Variants in RPL26L1 observed in about 807,000 individuals in gnomAD.
The protein encoded by RPL26L1 is ribosomal protein L26 like 1.
RPL26L1 carries 8 observed loss-of-function variants against 15.2 expected under a neutral mutation model. The observed-to-expected ratio is 0.53, with a 90% CI of 0.31 to 0.95. RPL26L1 has a LOEUF of 0.95. Among genes scored for constraint, RPL26L1 ranks in the 40% least tolerant of loss-of-function variants. RPL26L1 has a pLI of 0.05. For synonymous variants in RPL26L1, 51 were observed against 65.9 expected (o/e 0.77, Z 1.09); for missense variants, 146 against 190.9 (o/e 0.76, Z 1.39).
At position 172,969,576 on chromosome 5, in the gene RPL26L1, G is replaced by C. The variant is rs1313372232; in HGVS notation, c.*35G>C. The C allele has an allele frequency of 6.3e-7, 1 of 1,591,202 alleles. No individual in the cohort carries two copies. The highest frequency in any genetic ancestry group is 2.3e-5 in the East Asian group (1 of 44,284). On this transcript the variant is annotated 3_prime_UTR_variant, in exon 4 of 4. Transcript: ENST00000265100. ...GTTGTGCAACCACGGTTTAACCGGAGATTTTGAGGCTAGGGTGTGTTTCTT... is the reference window on the plus strand; with the variant it reads ...GTTGTGCAACCACGGTTTAACCGGACATTTTGAGGCTAGGGTGTGTTTCTT...
chr5:172,956,245 CT>C (rs758159677), upstream of RPL26L1, among the ~76,000 whole-genome samples: 76 of 152,250 alleles, frequency 5.0e-4, no homozygotes, highest in Non-Finnish European at 9.3e-4. Context: ...TTAGTGATGC[CT>C]TTTGATAAGC....
intron 2 of RPL26L1, 55 bp from the exon 3 acceptor site, chr5:172,968,404 C>T (rs1755551044): frequency 6.3e-7 from 1 of 1,595,308 alleles, no homozygotes; most frequent in Admixed American, 1.7e-5. Context: ...TTAGCTTCCT[C>T]TTTATGATCA....
intron 2 of RPL26L1, among the ~76,000 whole-genome samples, chr5:172,966,311 C>CTTTTTTT (rs1310691278): frequency 8.1e-5 from 6 of 74,158 alleles, no homozygotes; most frequent in Admixed American, 1.9e-4. Context: ...GTCTGGCTAA[C>CTTTTTTT]TATTTTTTTT....
intron 1 of RPL26L1, 177 bp downstream of exon 1, chr5:172,959,645 T>C: frequency 8.2e-7 from 1 of 1,224,534 alleles, no homozygotes; most frequent in Non-Finnish European, 1.1e-6. Flanking sequence ...TGCTACCCTC[T>C]CCCCCACGAC....
chr5:172,967,396 T>C lies in RPL26L1; in HGVS notation c.169-1063T>C, dbSNP rs796579091. ...AGGAGAATCACTTGAACCTGGGAGG[T>C]GGAGGTTGCAGTGAGCCAAGATCAT... On this transcript the variant is annotated intron_variant, in intron 2 of 3. Transcript: ENST00000265100. Among the ~76,000 whole-genome samples, 4 of 151,754 alleles carry C rather than the reference T, an allele frequency of 2.6e-5. No homozygotes were observed. The South Asian group carries it at 8.3e-4, about 32-fold the overall frequency.
chr5:172,958,087 A>C (rs976598926), upstream of RPL26L1: 1 of 290,774 alleles, frequency 3.4e-6, no homozygotes, highest in Non-Finnish European at 7.0e-6. Context: ...CAACATGGAG[A>C]AACCCCGTCT....
rs1320305395 is a variant in RPL26L1 at position 172,968,473 on chromosome 5, C to A, written c.183C>A (p.His61Gln). The change falls in exon 3 of 4, where the codon CAC (histidine) becomes CAA (glutamine). Residue 61 changes from histidine (H) to glutamine (Q), a missense_variant. Physicochemically the swap from His to Gln is conservative, Grantham distance 24. Coordinates refer to ENST00000265100, the MANE Select transcript of RPL26L1 (RefSeq NM_016093.4). ...TTTTCTCTTAGGTAGTTCGAGGACA[C>A]TACAAAGGTCAGCAAATTGGCAAGG... ...KDDEVQVVRG[H>Q]YKGQQIGKVV... 1 of 1,613,918 alleles carries A rather than the reference C, an allele frequency of 6.2e-7. No individual in the cohort carries two copies.
At chr5:172,961,617 C>G (rs1755236807) in intron 2 of RPL26L1, among the ~76,000 whole-genome samples, 1 of 152,230 alleles carries the variant, frequency 6.6e-6, no homozygotes, top group Non-Finnish European at 1.5e-5. Flanking sequence ...TCCCTGTCCC[C>G]ACTACATTAT....
At position 172,960,038 on chromosome 5, in the gene RPL26L1, C is replaced by A. The variant is rs764239404; in HGVS notation, c.165C>A (p.Val55=). ...RSMPIRKDDE[V]QVVRGHYKGQ... Reference sequence around the variant, plus strand: ...TGCCCATCCGCAAGGACGACGAGGTCCAGGTACGTCTCCCTCCGGCGCTAG... The same window carrying A: ...TGCCCATCCGCAAGGACGACGAGGTACAGGTACGTCTCCCTCCGGCGCTAG... Residue 55 remains valine, a synonymous_variant, in exon 2 of 4, where the codon GTC becomes GTA. Transcript: ENST00000265100. 3 of 1,614,068 alleles carry A rather than the reference C, an allele frequency of 1.9e-6. No individual in the cohort carries two copies. The East Asian group carries it at 6.7e-5, about 36-fold the overall frequency.
upstream of RPL26L1, chr5:172,954,770 T>G (rs1368323323): frequency 2.7e-6 from 1 of 372,550 alleles, no homozygotes; most frequent in African/African-American, 2.1e-5. Flanking sequence ...TGTTTTACGT[T>G]GGCATACAAC....
chr5:172,960,111 C>T (rs904262937), intron 2 of RPL26L1, 70 bp downstream of exon 2: 3 of 1,568,326 alleles, frequency 1.9e-6, no homozygotes, highest in Middle Eastern at 1.7e-4. Flanking sequence ...GGAGCAGTCA[C>T]AGACTCACAT....
At chr5:172,967,881 C>T (rs75915692) in intron 2 of RPL26L1, among the ~76,000 whole-genome samples, 233 of 151,226 alleles carry the variant, frequency 1.5e-3, no homozygotes, top group African/African-American at 5.2e-3. Flanking sequence ...GTATATGATA[C>T]GTGTATGTAT....
chr5:172,957,587 G>A (rs1744045621), upstream of RPL26L1: 1 of 277,636 alleles, frequency 3.6e-6, no homozygotes, highest in Admixed American at 4.9e-5. Context: ...ATGTGATAGA[G>A]AAATGAGTGA....
At chr5:172,968,801 G>GTATT (rs1561759656) in intron 3 of RPL26L1, among the ~76,000 whole-genome samples, 1 of 58,938 alleles carries the variant, frequency 1.7e-5, no homozygotes, top group Non-Finnish European at 4.3e-5. Context: ...TGATGGCTGT[G>GTATT]TCTTTTTTTT....
Position 172,969,590 on chromosome 5 carries a change from G to A in RPL26L1, c.*49G>A, listed in dbSNP as rs1755611347. 5.8e-6 allele frequency: 9 copies of A among 1,559,528 alleles called. No individual in the cohort carries two copies. Among genetic ancestry groups the A allele is most frequent in the South Asian group, 4.7e-5 (4 of 85,964 alleles). On this transcript the variant is annotated 3_prime_UTR_variant, in exon 4 of 4. Coordinates refer to ENST00000265100, the MANE Select transcript of RPL26L1 (RefSeq NM_016093.4). ...GTTTAACCGGAGATTTTGAGGCTAG[G>A]GTGTGTTTCTTTCGAACTTTTCGGA...
upstream of RPL26L1, chr5:172,956,146 A>G (rs1754967555): frequency 6.6e-6 from 1 of 152,238 alleles, no homozygotes; most frequent in Admixed American, 6.5e-5. Context: ...ACTGGAGGAA[A>G]ATTATCAAAT....
upstream of RPL26L1, chr5:172,958,936 G>A (rs1755099839): frequency 6.5e-6 from 1 of 153,584 alleles, no homozygotes. Flanking sequence ...GAAAAAAGTA[G>A]AGGTAGGAGG....
chr5:172,959,667 G>A, intron 1 of RPL26L1, 198 bp from the exon 2 acceptor site: 4 of 1,120,574 alleles, frequency 3.6e-6, no homozygotes, highest in Non-Finnish European at 4.9e-6. Context: ...CCTTTAGACG[G>A]GCATGCGACC....
intron 3 of RPL26L1, among the ~76,000 whole-genome samples, 194 bp from the exon 4 acceptor site, chr5:172,969,219 A>G (rs986291523): frequency 1.3e-5 from 2 of 152,152 alleles, no homozygotes; most frequent in African/African-American, 4.8e-5. Context: ...TGTAGCCCTC[A>G]TGCCTACCTA....
Sources: gnomAD v4.1 joint callset for allele counts (sites outside exome capture counted in the v4.1 genomes callset) on GRCh38, gnomAD v4.1.1 for gene constraint, MANE v1.5 for transcripts, NCBI Gene and HGNC (gene_info 2026-07-23, HGNC 2026-07-21) for gene names.